PLA2G5: variants seen among roughly 807,000 people sequenced by gnomAD.
The protein encoded by PLA2G5 is Ca2+-dependent phospholipase A2.
Under a neutral mutation model 15.9 loss-of-function variants are expected in PLA2G5, and 12 were observed. The ratio of observed to expected loss-of-function variants is 0.76; its 90% CI spans 0.48 to 1.23. PLA2G5 has a LOEUF of 1.23. Among genes scored for constraint, PLA2G5 ranks in the 50% most tolerant of loss-of-function variants. The pLI is 0.00. For missense variants in PLA2G5, 169 were observed against 177.1 expected (o/e 0.95, Z 0.26); for synonymous variants, 71 against 71.4 (o/e 0.99, Z 0.03).
intron 1 of PLA2G5, among the ~76,000 whole-genome samples, chr1:20,051,786 G>A (rs1324119165): frequency 2.0e-5 from 3 of 152,146 alleles, no homozygotes; most frequent in African/African-American, 7.2e-5. Flanking sequence ...CTCATACCTA[G>A]TCTATACAGT....
chr1:20,073,342 C>T (rs977297533), intron 1 of PLA2G5, among the ~76,000 whole-genome samples: 1 of 152,120 alleles, frequency 6.6e-6, no homozygotes, highest in Non-Finnish European at 1.5e-5. Context: ...GTGTGGATTG[C>T]CTTCTTAGCC....
chr1:20,067,919 G>A (rs1263703296), upstream of PLA2G5, among the ~76,000 whole-genome samples: 1 of 152,118 alleles, frequency 6.6e-6, no homozygotes, highest in Non-Finnish European at 1.5e-5. Context: ...AGGAGTTCGT[G>A]ACCAGCCTCG....
chr1:20,034,024 G>A (rs1460434338), intron 1 of PLA2G5, among the ~76,000 whole-genome samples: 2 of 152,230 alleles, frequency 1.3e-5, no homozygotes, highest in East Asian at 3.9e-4. Context: ...AAGAATTAGG[G>A]GTTAGAACAA....
At position 20,044,204 on chromosome 1, in the gene PLA2G5, A is replaced by C. The variant is rs75114798; in HGVS notation, n.277-15428A>C. 0.021 allele frequency among the ~76,000 whole-genome samples: 3,186 copies of C among 152,278 alleles called. 258 individuals are homozygous for C. The East Asian group carries it at 0.25, about 12-fold the overall frequency. On this transcript the variant is annotated intron_variant and non_coding_transcript_variant, in intron 1 of 6. Transcript: ENST00000460175. ...TAGGAATGCTTGACCACTGCAGCTT[A>C]GGCATGTGTGGCTTAGGGATTTTGA...
upstream of PLA2G5, among the ~76,000 whole-genome samples, chr1:20,065,287 T>C (rs1445221947): frequency 1.3e-5 from 2 of 152,288 alleles, no homozygotes; most frequent in African/African-American, 4.8e-5. Context: ...TTAAAGCCCA[T>C]AGTATACATT....
At chr1:20,066,431 C>T (rs1340044589), upstream of PLA2G5, among the ~76,000 whole-genome samples, 2 of 152,194 alleles carry the variant, frequency 1.3e-5, no homozygotes. Context: ...CATTTCTTTT[C>T]CCAGCTCCAC....
intron 2 of PLA2G5, among the ~76,000 whole-genome samples, chr1:20,062,071 C>T (rs2014763466): frequency 6.6e-6 from 1 of 152,202 alleles, no homozygotes; most frequent in Admixed American, 6.5e-5. Context: ...GTGCCTGCTC[C>T]CTCTCCACCT....
At chr1:20,073,176 A>G (rs1212323171) in intron 1 of PLA2G5, among the ~76,000 whole-genome samples, 2 of 152,232 alleles carry the variant, frequency 1.3e-5, no homozygotes, top group Non-Finnish European at 2.9e-5. Context: ...GATTTTAACC[A>G]GTTAGAAAAA....
rs757453309 is a variant in PLA2G5, at chr1:20,086,222, C to A, written c.180C>A (p.Thr60=). 6.2e-7 allele frequency: 1 copy of A among 1,614,048 alleles called. No individual in the cohort carries two copies. The highest frequency in any genetic ancestry group is 2.2e-5 in the East Asian group (1 of 44,876). The change falls in exon 3 of 5, where the codon ACC becomes ACA. Residue 60 remains threonine (T), a synonymous_variant. Transcript: ENST00000375108. ...GCCGAGGAACCCCCAAGGATGGCAC[C>A]GATTGGTGAGCTGATCGCTATAACT... ...WGGRGTPKDG[T]DWCCWAHDHC...
intron 1 of PLA2G5, among the ~76,000 whole-genome samples, chr1:20,081,744 G>A (rs2016040484): frequency 6.6e-6 from 1 of 151,790 alleles, no homozygotes; most frequent in Admixed American, 6.6e-5. Context: ...TATCCATACA[G>A]GCCTCAGCAT....
chr1:20,090,688 C>T lies in PLA2G5; in HGVS notation c.413C>T (p.Ser138Phe), dbSNP rs1318406077. 6.2e-7 allele frequency: 1 copy of T among 1,614,160 alleles called. No homozygotes were observed. Among genetic ancestry groups the T allele is most frequent in the South Asian group, 1.1e-5 (1 of 91,072 alleles). The part of the protein sequence containing the change: ...QYQYFPNILC[S>F] ...CAATACTTTCCCAACATCCTCTGCT[C>T]CTAGGCCTCCCCAGCGAGCTCCTCC... The change falls in exon 5 of 5, where the codon TCC (serine) becomes TTC (phenylalanine). Residue 138 changes from serine to phenylalanine, a missense_variant. By Grantham distance (155) the Ser-to-Phe change is radical. Transcript: ENST00000375108.
intron 2 of PLA2G5, 152 bp downstream of exon 2, chr1:20,085,022 C>T: frequency 1.4e-6 from 1 of 706,612 alleles, no homozygotes; most frequent in Non-Finnish European, 2.6e-6. Flanking sequence ...AGCCTTCATG[C>T]CTCCGAGCCT....
chr1:20,049,291 G>A (rs149300479), intron 1 of PLA2G5, among the ~76,000 whole-genome samples: 29 of 152,186 alleles, frequency 1.9e-4, no homozygotes, highest in African/African-American at 6.3e-4. Context: ...GCTTTTACAC[G>A]ATCAAGTTGT....
At chr1:20,069,794 G>T (rs1164249811), upstream of PLA2G5, among the ~76,000 whole-genome samples, 1 of 152,082 alleles carries the variant, frequency 6.6e-6, no homozygotes, top group African/African-American at 2.4e-5. Context: ...ATTCTTGTTG[G>T]GATTCTGGAT....
intron 1 of PLA2G5, among the ~76,000 whole-genome samples, chr1:20,035,512 T>C (rs2013196525): frequency 6.6e-6 from 1 of 152,232 alleles, no homozygotes; most frequent in Admixed American, 6.5e-5. Context: ...CAGTTTGGGC[T>C]AACAATCTGA....
At chr1:20,032,790 G>A (rs543101158) in intron 1 of PLA2G5, among the ~76,000 whole-genome samples, 1 of 152,332 alleles carries the variant, frequency 6.6e-6, no homozygotes, top group African/African-American at 2.4e-5. Context: ...GGTATATACA[G>A]GATGTATGTT....
chr1:20,072,872 A>G (rs11573207), intron 1 of PLA2G5, among the ~76,000 whole-genome samples: 2,215 of 152,186 alleles, frequency 0.015, 46 homozygotes, highest in African/African-American at 0.05. Context: ...CCCTGTCTTA[A>G]CAGACAGACA....
chr1:20,043,933 T>G (rs1193388270), intron 1 of PLA2G5, among the ~76,000 whole-genome samples: 1 of 152,116 alleles, frequency 6.6e-6, no homozygotes, highest in Non-Finnish European at 1.5e-5. Context: ...TCGAGGTGAT[T>G]GGGCAGTGTA....
Position 20,090,847 on chromosome 1 carries a change from C to A in PLA2G5, c.*155C>A. 1 of 701,656 alleles carries A rather than the reference C, an allele frequency of 1.4e-6. No homozygotes were observed. The allele number at this position is 701,656 out of a possible 1,614,324, so 43.5% of individuals were successfully genotyped here. ...GACCCCCAGGGCCACACTGTACCCTCCAGCGAGTCCCAGGAGAGTGACTCT... is the reference window on the plus strand; with the variant it reads ...GACCCCCAGGGCCACACTGTACCCTACAGCGAGTCCCAGGAGAGTGACTCT... On this transcript the variant is annotated 3_prime_UTR_variant, in exon 5 of 5. Transcript: ENST00000375108.
Sources: allele counts gnomAD v4.1 joint callset (sites outside exome capture counted in the v4.1 genomes callset), GRCh38; gene constraint gnomAD v4.1.1; transcripts MANE v1.5; gene names NCBI Gene and HGNC (gene_info 2026-07-23, HGNC 2026-07-21).